Variants in LRRTM4 observed in about 807,000 individuals in gnomAD.
LRRTM4 encodes the protein leucine rich repeat transmembrane neuronal 4, also known as leucine-rich repeat transmembrane neuronal protein 4.
A neutral mutation model predicts 47.6 loss-of-function variants in LRRTM4; 25 were observed. That is an observed-to-expected ratio of 0.53 (90% CI 0.38 to 0.73). The LOEUF (loss-of-function observed/expected upper bound fraction) is 0.73. Ranked by LOEUF, LRRTM4 falls within the 30% of genes least tolerant of loss-of-function variation. The pLI, the probability that LRRTM4 is intolerant of heterozygous loss-of-function variation, is 0.00. For missense variants in LRRTM4, 638 were observed against 713.4 expected (o/e 0.89, Z 1.20); for synonymous variants, 311 against 269.5 (o/e 1.15, Z -1.51).
In LRRTM4 at chr2:76,878,465, C is replaced by G. The variant is rs147134032; in HGVS notation, c.1552-129549G>C. 8.3e-3 allele frequency among the ~76,000 whole-genome samples: 1,251 copies of G among 151,318 alleles called. 4 individuals are homozygous for G. Among genetic ancestry groups the G allele is most frequent in the Middle Eastern group, 0.021 (6 of 292 alleles). On this transcript the variant is annotated intron_variant, in intron 3 of 3. Transcript: ENST00000409884. ...AGACATATTAAAAGCAAGGACAGTC[C>G]AAAAGGTAGGCCTTTTGTGCCACAT...
chr2:76,759,150 T>C (rs1442091397), intron 3 of LRRTM4, among the ~76,000 whole-genome samples: 1 of 151,974 alleles, frequency 6.6e-6, no homozygotes, highest in Non-Finnish European at 1.5e-5. Context: ...AAAGTAAGGG[T>C]GCTGTACTCA....
intron 3 of LRRTM4, among the ~76,000 whole-genome samples, chr2:77,156,098 G>A (rs538171702): frequency 2.8e-4 from 42 of 151,984 alleles, no homozygotes; most frequent in African/African-American, 8.0e-4. Context: ...AGTAAATAAA[G>A]TACTCTGAAA....
chr2:76,944,704 C>A (rs760875908), intron 3 of LRRTM4, among the ~76,000 whole-genome samples: 5 of 152,010 alleles, frequency 3.3e-5, no homozygotes, highest in Non-Finnish European at 7.4e-5. Context: ...TCATATTTAT[C>A]TACTGAAAAT....
intron 3 of LRRTM4, among the ~76,000 whole-genome samples, chr2:77,402,543 A>G (rs1674002455): frequency 6.6e-6 from 1 of 152,000 alleles, no homozygotes; most frequent in Admixed American, 6.6e-5. Flanking sequence ...AGGATCTAGT[A>G]ATGTTGACTT....
chr2:76,999,646 T>A (rs12621674), intron 3 of LRRTM4, among the ~76,000 whole-genome samples: 74,307 of 151,884 alleles, frequency 0.49, 18,717 homozygotes, highest in East Asian at 0.75. Context: ...TAAAAGTTGA[T>A]TCACTTAAGC....
At chr2:76,951,369 T>C (rs1675487661) in intron 3 of LRRTM4, among the ~76,000 whole-genome samples, 1 of 151,952 alleles carries the variant, frequency 6.6e-6, no homozygotes, top group Non-Finnish European at 1.5e-5. Flanking sequence ...TCGGAGTCTA[T>C]AAAAAAACAA....
intron 3 of LRRTM4, among the ~76,000 whole-genome samples, chr2:76,817,584 G>T (rs540079663): frequency 6.6e-6 from 1 of 152,070 alleles, no homozygotes; most frequent in South Asian, 2.1e-4. Context: ...GTAAATTGGT[G>T]AGATTGCATT....
intron 3 of LRRTM4, among the ~76,000 whole-genome samples, chr2:77,057,330 G>T (rs1679642259): frequency 6.6e-6 from 1 of 152,068 alleles, no homozygotes; most frequent in South Asian, 2.1e-4. Flanking sequence ...AAAAGACTAG[G>T]CTAACAGTAT....
chr2:76,752,745 G>C (rs776778372), intron 3 of LRRTM4, among the ~76,000 whole-genome samples: 1 of 152,090 alleles, frequency 6.6e-6, no homozygotes, highest in African/African-American at 2.4e-5. Flanking sequence ...TAACCACCTG[G>C]GTCCCTGTGT....
rs555707204 is a variant in LRRTM4, at chr2:76,779,233, T to C, written c.1552-30317A>G. The stretch of plus-strand genomic sequence containing the variant: ...GGTGTGGTGCTGAAAAAAATGTATA[T>C]TGTGTTGATTTGGGGTGGAGAGTTC... On this transcript the variant is annotated intron_variant, in intron 3 of 3. Transcript: ENST00000409884. Among the ~76,000 whole-genome samples the C allele has an allele frequency of 4.1e-3, 621 of 152,156 alleles. 1 individual carries two copies. The highest frequency in any genetic ancestry group is 7.0e-3 in the Non-Finnish European group (478 of 68,014).
chr2:77,303,325 T>C (rs1484685830), intron 3 of LRRTM4, among the ~76,000 whole-genome samples: 1 of 152,170 alleles, frequency 6.6e-6, no homozygotes, highest in Non-Finnish European at 1.5e-5. Context: ...AAATTGATTG[T>C]CACAGGTTGA....
chr2:77,260,144 A>G (rs1415564070), intron 3 of LRRTM4, among the ~76,000 whole-genome samples: 1 of 152,048 alleles, frequency 6.6e-6, no homozygotes, highest in Non-Finnish European at 1.5e-5. Context: ...GATTTTTAAG[A>G]GAGGTTATAT....
intron 3 of LRRTM4, among the ~76,000 whole-genome samples, chr2:77,149,222 A>G (rs1350842208): frequency 1.3e-5 from 2 of 152,160 alleles, no homozygotes; most frequent in Non-Finnish European, 2.9e-5. Flanking sequence ...AAAAAATAAA[A>G]TATCTCAATG....
At chr2:77,143,241 A>T (rs908565312) in intron 3 of LRRTM4, among the ~76,000 whole-genome samples, 6 of 152,210 alleles carry the variant, frequency 3.9e-5, no homozygotes, top group Non-Finnish European at 7.3e-5. Flanking sequence ...TAACTTTTAA[A>T]TCTAAGCTCT....
intron 3 of LRRTM4, among the ~76,000 whole-genome samples, chr2:76,895,068 T>A (rs1234602422): frequency 6.8e-6 from 1 of 147,098 alleles, no homozygotes; most frequent in Non-Finnish European, 1.5e-5. Flanking sequence ...AACATTTCAA[T>A]AGTTTAAAAT....
intron 3 of LRRTM4, among the ~76,000 whole-genome samples, chr2:76,901,167 G>A (rs892168446): frequency 6.6e-6 from 1 of 152,036 alleles, no homozygotes; most frequent in African/African-American, 2.4e-5. Flanking sequence ...TAAGCCTGGC[G>A]TGCATTAGGT....
At chr2:77,044,807 G>T (rs76169068) in intron 3 of LRRTM4, among the ~76,000 whole-genome samples, 1 of 151,554 alleles carries the variant, frequency 6.6e-6, no homozygotes, top group Non-Finnish European at 1.5e-5. Context: ...TAAATTATGT[G>T]AATGTGTGTG....
chr2:76,780,538 C>T (rs1674314801), intron 3 of LRRTM4, among the ~76,000 whole-genome samples: 1 of 151,992 alleles, frequency 6.6e-6, no homozygotes. Context: ...CCCTTTTTTC[C>T]AGTTGATCGC....
Position 77,395,655 on chromosome 2 carries a change from T to C in LRRTM4, c.1551+122663A>G, listed in dbSNP as rs369634225. Among the ~76,000 whole-genome samples the C allele has an allele frequency of 4.5e-4, 68 of 152,070 alleles. No homozygotes were observed. The South Asian group carries it at 0.014, about 31-fold the overall frequency. On this transcript the variant is annotated intron_variant, in intron 3 of 3. Transcript: ENST00000409884. Reference sequence around the variant, plus strand: ...TCATATTTAGGTTGTTTTAAGAAAATTTATAATAGCTAACTTGAGCTCCTC... The same window carrying C: ...TCATATTTAGGTTGTTTTAAGAAAACTTATAATAGCTAACTTGAGCTCCTC...
Sources: allele counts gnomAD v4.1 joint callset (sites outside exome capture counted in the v4.1 genomes callset), GRCh38; gene constraint gnomAD v4.1.1; transcripts MANE v1.5; gene names NCBI Gene and HGNC (gene_info 2026-07-23, HGNC 2026-07-21).